CCSER1: variants seen among roughly 807,000 people sequenced by gnomAD.
The protein encoded by CCSER1 is serine-rich coiled-coil domain-containing protein 1.
CCSER1 carries 41 observed loss-of-function variants against 82.0 expected under a neutral mutation model. The ratio of observed to expected loss-of-function variants is 0.50; its 90% CI spans 0.39 to 0.65. CCSER1 has a LOEUF of 0.65. Among genes scored for constraint, CCSER1 ranks in the 30% least tolerant of loss-of-function variants. The pLI, the probability that CCSER1 is intolerant of heterozygous loss-of-function variation, is 0.00. For missense variants in CCSER1, 1,119 were observed against 1,064.2 expected, an observed-to-expected ratio of 1.05 and a Z score of -0.72; for synonymous variants, 414 against 383.9, an observed-to-expected ratio of 1.08 and a Z score of -0.92.
intron 10 of CCSER1, among the ~76,000 whole-genome samples, chr4:91,489,698 G>T (rs1035245004): frequency 6.6e-6 from 1 of 152,086 alleles, no homozygotes; most frequent in Admixed American, 6.6e-5. Context: ...TGAGGTAGGA[G>T]AATCACTTGA....
At chr4:91,122,728 T>C (rs1727197235) in intron 10 of CCSER1, among the ~76,000 whole-genome samples, 1 of 151,684 alleles carries the variant, frequency 6.6e-6, no homozygotes, top group African/African-American at 2.4e-5. Context: ...AAGAATACTT[T>C]TTCTAATGCC....
chr4:90,238,425 A>G (rs1237510746), intron 1 of CCSER1, among the ~76,000 whole-genome samples: 3 of 152,210 alleles, frequency 2.0e-5, no homozygotes, highest in African/African-American at 7.2e-5. Context: ...GCATTGTACA[A>G]ATGGTATTGA....
intron 10 of CCSER1, among the ~76,000 whole-genome samples, chr4:91,109,593 CT>C (rs922280338): frequency 4.6e-4 from 70 of 152,004 alleles, no homozygotes; most frequent in African/African-American, 1.7e-3. Flanking sequence ...TAATGAATGA[CT>C]TTTGATGGAA....
At chr4:91,406,360 GTATAC>G (rs1455784763) in intron 10 of CCSER1, among the ~76,000 whole-genome samples, 1 of 152,116 alleles carries the variant, frequency 6.6e-6, no homozygotes, top group Non-Finnish European at 1.5e-5. Flanking sequence ...ACTGTTTCCA[GTATAC>G]TATATTGTTT....
intron 10 of CCSER1, among the ~76,000 whole-genome samples, chr4:91,443,955 C>A (rs1477713999): frequency 6.6e-6 from 1 of 151,808 alleles, no homozygotes; most frequent in Non-Finnish European, 1.5e-5. Context: ...CTGAGGAGAG[C>A]TACTTACTGA....
chr4:91,019,647 G>A (rs935112809), intron 9 of CCSER1, among the ~76,000 whole-genome samples: 2 of 152,036 alleles, frequency 1.3e-5, no homozygotes, highest in Non-Finnish European at 2.9e-5. Context: ...GTTGCTTACT[G>A]CTGGAGACAG....
chr4:90,712,521 T>A (rs1483125158), intron 6 of CCSER1, among the ~76,000 whole-genome samples: 2 of 152,118 alleles, frequency 1.3e-5, no homozygotes, highest in Non-Finnish European at 2.9e-5. Context: ...TGATTTAAAA[T>A]CTTTTGCATT....
chr4:91,161,108 G>A (rs906854851), intron 10 of CCSER1, among the ~76,000 whole-genome samples: 12 of 152,088 alleles, frequency 7.9e-5, no homozygotes, highest in African/African-American at 2.9e-4. Context: ...TCCAGTTTCA[G>A]CTTTCCACAT....
rs369672213 is a variant in CCSER1 at position 90,605,882 on chromosome 4, T to G, written c.1725-22143T>G. Among the ~76,000 whole-genome samples the G allele has an allele frequency of 2.4e-4, 37 of 152,220 alleles. No individual in the cohort carries two copies. In the South Asian group the frequency reaches 5.4e-3, roughly 22 times the overall value. On this transcript the variant is annotated intron_variant, in intron 5 of 10. Transcript: ENST00000509176. ...CAACAATGTATTCTTAGAAATATAT[T>G]TCTAGTTTTATAGTGCTTAAGTTTA...
intron 5 of CCSER1, among the ~76,000 whole-genome samples, chr4:90,524,504 C>T (rs1435148664): frequency 6.6e-6 from 1 of 152,092 alleles, no homozygotes; most frequent in Non-Finnish European, 1.5e-5. Flanking sequence ...GAGTCTGACT[C>T]TGTTGCCAGG....
chr4:91,233,172 CA>C (rs1293853124), intron 10 of CCSER1, among the ~76,000 whole-genome samples: 1 of 151,514 alleles, frequency 6.6e-6, no homozygotes, highest in African/African-American at 2.4e-5. Context: ...GATCCTGCTC[CA>C]AAACAATGAG....
At chr4:91,204,422 T>A (rs1430499834) in intron 10 of CCSER1, among the ~76,000 whole-genome samples, 2 of 151,848 alleles carry the variant, frequency 1.3e-5, no homozygotes, top group Non-Finnish European at 2.9e-5. Context: ...CTATATGTTC[T>A]GGAGTTTCAT....
chr4:91,353,025 G>A (rs548162496), intron 10 of CCSER1, among the ~76,000 whole-genome samples: 1 of 152,304 alleles, frequency 6.6e-6, no homozygotes, highest in Non-Finnish European at 1.5e-5. Flanking sequence ...TTCCAACAGA[G>A]ACAAGAATGG....
intron 1 of CCSER1, among the ~76,000 whole-genome samples, chr4:90,276,283 C>T (rs1228451220): frequency 6.3e-5 from 8 of 126,192 alleles, no homozygotes; most frequent in Middle Eastern, 3.8e-3. Flanking sequence ...TCCTTCCTTC[C>T]TTCCTTCCTT....
In CCSER1 at chr4:90,849,352, C is replaced by A. The variant is rs181567799; in HGVS notation, c.2094+33507C>A. Among the ~76,000 whole-genome samples, 3 of 152,250 alleles carry A rather than the reference C, an allele frequency of 2.0e-5. No individual in the cohort carries two copies. In the East Asian group the frequency reaches 5.8e-4, roughly 29 times the overall value. ...GTACAAAGGTACTGGTGGCATTTTG[C>A]CCCTGCCCTAGAGATCTGTGGAACT... is the stretch of plus-strand genomic sequence containing the variant. On this transcript the variant is annotated intron_variant, in intron 8 of 10. Coordinates refer to ENST00000509176, the MANE Select transcript of CCSER1 (RefSeq NM_001145065.2).
At chr4:90,527,137 A>G (rs1163681210) in intron 5 of CCSER1, among the ~76,000 whole-genome samples, 1 of 152,244 alleles carries the variant, frequency 6.6e-6, no homozygotes, top group Non-Finnish European at 1.5e-5. Flanking sequence ...ACAGCAAAAG[A>G]AACTATCATC....
chr4:91,109,121 G>T (rs1252446447), intron 10 of CCSER1, among the ~76,000 whole-genome samples: 2 of 152,094 alleles, frequency 1.3e-5, no homozygotes, highest in Admixed American at 1.3e-4. Flanking sequence ...TAGGCATTTA[G>T]CCTTGGACTG....
At chr4:90,855,464 C>T (rs374880196) in intron 8 of CCSER1, among the ~76,000 whole-genome samples, 7 of 152,220 alleles carry the variant, frequency 4.6e-5, no homozygotes, top group African/African-American at 1.7e-4. Flanking sequence ...ATCATTTCCT[C>T]TTGCAAGAAT....
chr4:91,491,672 T>C (rs1362026322), intron 10 of CCSER1, among the ~76,000 whole-genome samples: 1 of 152,112 alleles, frequency 6.6e-6, no homozygotes, highest in Admixed American at 6.6e-5. Flanking sequence ...CAGTTATAGC[T>C]TTAAAAAGTT....
Sources: gnomAD v4.1 joint callset for allele counts (sites outside exome capture counted in the v4.1 genomes callset) on GRCh38, gnomAD v4.1.1 for gene constraint, MANE v1.5 for transcripts, NCBI Gene and HGNC (gene_info 2026-07-23, HGNC 2026-07-21) for gene names.